The following TM4SF4 variants were observed in gnomAD, a reference collection of about 807,000 sequenced individuals.
The protein encoded by TM4SF4 is transmembrane 4 L6 family member 4.
In TM4SF4, 24 loss-of-function variants were observed where a neutral mutation model predicts 24.1. The observed-to-expected ratio is 1.00, with a 90% confidence interval of 0.72 to 1.40. The LOEUF is 1.40. Ranked by LOEUF, TM4SF4 falls within the 40% of genes most tolerant of loss-of-function variation. TM4SF4 has a pLI of 0.00. For missense variants in TM4SF4, 254 were observed against 254.2 expected (o/e 1.00, Z 0.01); for synonymous variants, 113 against 97.0 (o/e 1.17, Z -0.97).
intron 4 of TM4SF4, among the ~76,000 whole-genome samples, chr3:149,500,261 A>G (rs1734394769): frequency 6.6e-6 from 1 of 152,148 alleles, no homozygotes. Flanking sequence ...ATAAAACAAA[A>G]AACTAAAGGA....
intron 2 of TM4SF4, among the ~76,000 whole-genome samples, chr3:149,476,136 T>G (rs1733925115): frequency 6.6e-6 from 1 of 152,220 alleles, no homozygotes; most frequent in Non-Finnish European, 1.5e-5. Flanking sequence ...TATTAGATTT[T>G]ACAAACCGAC....
intron 2 of TM4SF4, among the ~76,000 whole-genome samples, chr3:149,484,476 C>T (rs980464461): frequency 1.1e-4 from 16 of 151,984 alleles, no homozygotes; most frequent in African/African-American, 3.4e-4. Flanking sequence ...CTCTGCCTCT[C>T]GGGCTCAAGC....
intron 2 of TM4SF4, among the ~76,000 whole-genome samples, chr3:149,484,645 G>A (rs1432479510): frequency 4.6e-5 from 7 of 150,642 alleles, no homozygotes; most frequent in East Asian, 2.0e-4. Flanking sequence ...TCCGCCTCCC[G>A]GGTTCAAGCA....
chr3:149,475,045 T>A lies in TM4SF4; in HGVS notation c.168T>A (p.Gly56=), dbSNP rs759470495. ...TTTTCGGAGGAATATTAGGAAGCGG[T>A]GTCTTGGTGAGTAGGGAAGCTTAAA... ...IWFFGGILGS[G]VLMIFPALVF... The change falls in exon 1 of 5, where the codon GGT becomes GGA. Residue 56 remains glycine, a synonymous_variant. Transcript: ENST00000305354. 21 of 1,602,546 alleles carry A rather than the reference T, an allele frequency of 1.3e-5. No homozygotes were observed. In the South Asian group the frequency reaches 2.0e-4, roughly 15 times the overall value.
chr3:149,498,747 T>C lies in TM4SF4; in HGVS notation c.427T>C (p.Trp143Arg). 1.9e-6 allele frequency: 3 copies of C among 1,614,016 alleles called. No individual in the cohort carries two copies. Among genetic ancestry groups the C allele is most frequent in the Non-Finnish European group, 2.5e-6 (3 of 1,179,888 alleles). Reference sequence around the variant, plus strand: ...GGATTATCTCAATGATGAGGCCTTATGGAACAAGTGCCGAGAGCCTCTCAA... The same window carrying C: ...GGATTATCTCAATGATGAGGCCTTACGGAACAAGTGCCGAGAGCCTCTCAA... ...DGDYLNDEAL[W>R]NKCREPLNVV... Residue 143 changes from tryptophan to arginine, a missense_variant, in exon 4 of 5, where the codon TGG (tryptophan) becomes CGG (arginine). Trp to Arg is a moderately radical substitution (Grantham distance 101, BLOSUM62 -3). Transcript: ENST00000305354.
At chr3:149,491,750 G>C (rs192149097) in intron 3 of TM4SF4, among the ~76,000 whole-genome samples, 2 of 152,090 alleles carry the variant, frequency 1.3e-5, no homozygotes, top group African/African-American at 2.4e-5. Context: ...GAAGGAGTGC[G>C]GGGGGAAACT....
rs60931726 is a variant in TM4SF4 at position 149,478,891 on chromosome 3, G to A, written c.264+2979G>A. On this transcript the variant is annotated intron_variant, in intron 2 of 4. Coordinates refer to ENST00000305354, the MANE Select transcript of TM4SF4 (RefSeq NM_004617.4). Reference sequence around the variant, plus strand: ...CAATTCTCCTGCCTTAGCCTCCCGAGTAGCTGGGATTACAAGTGCTTGCCA... The same window carrying A: ...CAATTCTCCTGCCTTAGCCTCCCGAATAGCTGGGATTACAAGTGCTTGCCA... 9.8e-4 allele frequency among the ~76,000 whole-genome samples: 149 copies of A among 152,266 alleles called. 1 individual carries two copies. Among genetic ancestry groups the A allele is most frequent in the African/African-American group, 3.5e-3 (146 of 41,542 alleles).
intron 3 of TM4SF4, among the ~76,000 whole-genome samples, chr3:149,490,181 T>C (rs9289789): frequency 0.47 from 72,132 of 152,142 alleles, 19,057 homozygotes; most frequent in South Asian, 0.62. Context: ...GGGCCCAGGT[T>C]TCACTGCACC....
chr3:149,489,909 G>A (rs1273657741), intron 3 of TM4SF4, among the ~76,000 whole-genome samples: 3 of 152,028 alleles, frequency 2.0e-5, no homozygotes, highest in African/African-American at 4.8e-5. Context: ...TCACTGTACA[G>A]CTTTGATAAT....
Position 149,503,394 on chromosome 3 carries a change from A to G in TM4SF4, c.*701A>G, listed in dbSNP as rs1333295940. The G allele has an allele frequency of 2.0e-5, 3 of 152,234 alleles. No homozygotes were observed. Among genetic ancestry groups the G allele is most frequent in the East Asian group, 3.8e-4 (2 of 5,208 alleles). 9.4% of individuals were successfully genotyped at this position (152,234 alleles called of 1,614,324 possible). On this transcript the variant is annotated 3_prime_UTR_variant, in exon 5 of 5. Coordinates refer to ENST00000305354, the MANE Select transcript of TM4SF4 (RefSeq NM_004617.4). Reference sequence around the variant, plus strand: ...ACAAAAAAAAGTTTTTAAAAAATTGATTTAAGTAATAATTTTGTCAGCCTA... The same window carrying G: ...ACAAAAAAAAGTTTTTAAAAAATTGGTTTAAGTAATAATTTTGTCAGCCTA...
chr3:149,502,979 T>TA lies in TM4SF4; in HGVS notation c.*287dup, dbSNP rs1342182742. ...CAAAGCATACTTTTCATGATTTTTT[T>TA]ATTACAAATGTAAAATGTATAAAGT... On this transcript the variant is annotated 3_prime_UTR_variant, in exon 5 of 5. Transcript: ENST00000305354. The TA allele has an allele frequency of 3.0e-6, 1 of 335,012 alleles. No homozygotes were observed. The highest frequency in any genetic ancestry group is 2.1e-5 in the African/African-American group (1 of 47,106). The allele number at this position is 335,012 out of a possible 1,614,324, so 20.8% of individuals were successfully genotyped here. A position where few individuals can be genotyped will look rare whatever the true frequency, so the allele number is the denominator to read the frequency against.
intron 3 of TM4SF4, among the ~76,000 whole-genome samples, chr3:149,491,141 T>A (rs1441277929): frequency 6.6e-6 from 1 of 151,736 alleles, no homozygotes; most frequent in Non-Finnish European, 1.5e-5. Context: ...TAGTAATTAG[T>A]AAAAGGATTT....
intron 3 of TM4SF4, among the ~76,000 whole-genome samples, chr3:149,496,693 G>A (rs56242998): frequency 0.31 from 45,781 of 149,432 alleles, 8,502 homozygotes; most frequent in Non-Finnish European, 0.43. Flanking sequence ...GCTTGAACCC[G>A]GGAGGCACAG....
At chr3:149,487,903 G>A in intron 3 of TM4SF4, 148 bp downstream of exon 3, 1 of 1,143,720 alleles carries the variant, frequency 8.7e-7, no homozygotes, top group Non-Finnish European at 1.2e-6. Flanking sequence ...TGGAGTTGTG[G>A]AATACAGCAA....
chr3:149,489,553 G>A (rs1327744797), intron 3 of TM4SF4, among the ~76,000 whole-genome samples: 3 of 152,254 alleles, frequency 2.0e-5, no homozygotes, highest in East Asian at 1.9e-4. Flanking sequence ...ACACACGCAC[G>A]CCCTACTTGG....
intron 2 of TM4SF4, among the ~76,000 whole-genome samples, chr3:149,478,386 C>T (rs1395520316): frequency 1.3e-5 from 2 of 152,278 alleles, no homozygotes; most frequent in African/African-American, 2.4e-5. Context: ...CTCAGGTGAT[C>T]CACCCACCTC....
Position 149,502,912 on chromosome 3 carries a change from A to G in TM4SF4, c.*219A>G. Reference sequence around the variant, plus strand: ...GGCCACTTAACAAATTTGATTTATAAATCTTTCAAATTAGTTCCTTTTTAG... The same window carrying G: ...GGCCACTTAACAAATTTGATTTATAGATCTTTCAAATTAGTTCCTTTTTAG... On this transcript the variant is annotated 3_prime_UTR_variant, in exon 5 of 5. Transcript: ENST00000305354. 1 of 477,734 alleles carries G rather than the reference A, an allele frequency of 2.1e-6. No homozygotes were observed. Among genetic ancestry groups the G allele is most frequent in the South Asian group, 3.6e-5 (1 of 27,862 alleles). The allele number at this position is 477,734 out of a possible 1,614,324, so 29.6% of individuals were successfully genotyped here.
At chr3:149,493,295 A>G (rs1734248826) in intron 3 of TM4SF4, among the ~76,000 whole-genome samples, 2 of 152,242 alleles carry the variant, frequency 1.3e-5, no homozygotes, top group Admixed American at 6.5e-5. Flanking sequence ...CTTGATTCAC[A>G]TACTATTATA....
chr3:149,475,759 C>A, intron 1 of TM4SF4, 64 bp from the exon 2 acceptor site: 2 of 1,403,506 alleles, frequency 1.4e-6, no homozygotes, highest in South Asian at 2.5e-5. Context: ...CTTATACAGT[C>A]AGGCAGGCTC....
Sources: allele counts gnomAD v4.1 joint callset (sites outside exome capture counted in the v4.1 genomes callset), GRCh38; gene constraint gnomAD v4.1.1; transcripts MANE v1.5; gene names NCBI Gene and HGNC (gene_info 2026-07-23, HGNC 2026-07-21).